The following PRR16 variants were observed in gnomAD, a reference collection of about 807,000 sequenced individuals.
PRR16 encodes protein Largen.
A neutral mutation model predicts 18.2 loss-of-function variants in PRR16; 6 were observed. The ratio of observed to expected loss-of-function variants is 0.33; its 90% CI spans 0.18 to 0.65. The LOEUF is 0.65. Among genes scored for constraint, PRR16 ranks in the 30% least tolerant of loss-of-function variants. PRR16 has a pLI of 0.74. For synonymous variants in PRR16, 151 were observed against 147.8 expected (o/e 1.02, Z -0.16); for missense variants, 412 against 376.6 (o/e 1.09, Z -0.78).
intron 1 of PRR16, among the ~76,000 whole-genome samples, chr5:120,613,397 A>T (rs979148290): frequency 1.3e-5 from 2 of 151,988 alleles, no homozygotes; most frequent in African/African-American, 4.8e-5. Flanking sequence ...CATTTTTTAA[A>T]ATCCTATTAT....
intron 1 of PRR16, among the ~76,000 whole-genome samples, chr5:120,583,347 G>A (rs1199771319): frequency 7.2e-6 from 1 of 138,568 alleles, no homozygotes; most frequent in Non-Finnish European, 1.6e-5. Flanking sequence ...GTGTGTGTGT[G>A]TGCAAGTAAT....
At chr5:120,731,873 C>T in the PRR16 span, among the ~76,000 whole-genome samples, 1 of 152,158 alleles carries the variant, frequency 6.6e-6, no homozygotes, top group Non-Finnish European at 1.5e-5. Context: ...GCTCTGTTTA[C>T]TAGCCAAAGA....
At chr5:120,783,576 G>T in the PRR16 span, among the ~76,000 whole-genome samples, 1 of 151,844 alleles carries the variant, frequency 6.6e-6, no homozygotes, top group African/African-American at 2.4e-5. Flanking sequence ...AATTTAAATT[G>T]TTTTAATTTT....
rs989844057 is a variant in PRR16 at position 120,491,478 on chromosome 5, C to G, written c.159+26833C>G. ...CCTTTCCTTTCCTTTCCTTTCCTTT[C>G]CTTTCTTCCTTCCTTCCTTCCTTCT... On this transcript the variant is annotated intron_variant, in intron 1 of 1. Transcript: ENST00000407149. Among the ~76,000 whole-genome samples, 121 of 96,926 alleles carry G rather than the reference C, an allele frequency of 1.2e-3. 1 individual carries two copies. The highest frequency in any genetic ancestry group is 6.5e-3 in the Middle Eastern group (1 of 154). The allele number at this position is 96,926 out of a possible 152,430, so 63.6% of individuals were successfully genotyped here. A position where few individuals can be genotyped will look rare whatever the true frequency, so the allele number is the denominator to read the frequency against.
intron 1 of PRR16, among the ~76,000 whole-genome samples, chr5:120,509,047 A>G (rs11960555): frequency 0.2 from 30,631 of 152,022 alleles, 3,350 homozygotes; most frequent in African/African-American, 0.27. Flanking sequence ...GCTTTCTGTA[A>G]AATAGGTTGT....
intron 1 of PRR16, among the ~76,000 whole-genome samples, chr5:120,503,629 T>C (rs981619127): frequency 6.6e-6 from 1 of 152,162 alleles, no homozygotes; most frequent in Non-Finnish European, 1.5e-5. Context: ...AATCCAGCTG[T>C]TGGAGGCAGT....
the PRR16 span, among the ~76,000 whole-genome samples, chr5:120,775,246 C>T: frequency 6.6e-6 from 1 of 152,122 alleles, no homozygotes; most frequent in East Asian, 1.9e-4. Context: ...TGCATAATAG[C>T]ATATACTATA....
the PRR16 span, among the ~76,000 whole-genome samples, chr5:120,773,830 T>A: frequency 6.6e-6 from 1 of 152,066 alleles, no homozygotes; most frequent in Non-Finnish European, 1.5e-5. Context: ...TAAATTATGA[T>A]AAAGGCAGAC....
At chr5:120,773,318 G>T in the PRR16 span, among the ~76,000 whole-genome samples, 1 of 152,140 alleles carries the variant, frequency 6.6e-6, no homozygotes, top group Non-Finnish European at 1.5e-5. Flanking sequence ...GCTCTGGTCT[G>T]CAAAGTCCAT....
chr5:120,561,068 A>T (rs1304859543), intron 1 of PRR16, among the ~76,000 whole-genome samples: 1 of 151,294 alleles, frequency 6.6e-6, no homozygotes, highest in Non-Finnish European at 1.5e-5. Context: ...CAAGAAACAA[A>T]TTTTTTGCTT....
chr5:120,718,494 G>A, the PRR16 span, among the ~76,000 whole-genome samples: 3 of 152,094 alleles, frequency 2.0e-5, no homozygotes, highest in Non-Finnish European at 4.4e-5. Flanking sequence ...CTCCAAAGGA[G>A]CAGTAGTCAA....
chr5:120,672,985 C>T (rs552907561), intron 1 of PRR16, among the ~76,000 whole-genome samples: 2 of 152,212 alleles, frequency 1.3e-5, no homozygotes, highest in African/African-American at 4.8e-5. Context: ...CCACACTTTA[C>T]AGGAAGCCTC....
chr5:120,644,909 G>C (rs1755538996), intron 1 of PRR16, among the ~76,000 whole-genome samples: 1 of 152,028 alleles, frequency 6.6e-6, no homozygotes, highest in Admixed American at 6.6e-5. Context: ...TTCTTACCTG[G>C]TCATTTACAA....
chr5:120,546,870 G>A (rs751960735), intron 1 of PRR16, among the ~76,000 whole-genome samples: 1 of 152,022 alleles, frequency 6.6e-6, no homozygotes, highest in Non-Finnish European at 1.5e-5. Context: ...GTTTCTCCTT[G>A]CCTAGCAGCA....
the PRR16 span, among the ~76,000 whole-genome samples, chr5:120,704,096 C>G: frequency 6.6e-6 from 1 of 152,140 alleles, no homozygotes; most frequent in Middle Eastern, 3.2e-3. Flanking sequence ...AAGAAAGAAG[C>G]TTTCTCTTAA....
At chr5:120,646,199 G>A (rs1330275243) in intron 1 of PRR16, among the ~76,000 whole-genome samples, 1 of 151,208 alleles carries the variant, frequency 6.6e-6, no homozygotes, top group African/African-American at 2.4e-5. Context: ...TGAAGAAAGT[G>A]TCAAAAAATT....
the PRR16 span, among the ~76,000 whole-genome samples, chr5:120,702,921 C>A: frequency 6.6e-6 from 1 of 152,130 alleles, no homozygotes; most frequent in Non-Finnish European, 1.5e-5. Context: ...GGATTGATCT[C>A]CCAAGGGAGG....
In PRR16 at chr5:120,624,984, G is replaced by A. The variant is rs368662887; in HGVS notation, c.160-60970G>A. ...ATGTGAGATGTGCCTTTCACCTGCC[G>A]CCATGATTGTGAGACCTCCCCAGCC... On this transcript the variant is annotated intron_variant, in intron 1 of 1. Coordinates refer to ENST00000407149, the MANE Select transcript of PRR16 (RefSeq NM_001300783.2). 1.3e-3 allele frequency among the ~76,000 whole-genome samples: 202 copies of A among 152,228 alleles called. 1 individual carries two copies. Among genetic ancestry groups the A allele is most frequent in the African/African-American group, 4.6e-3 (192 of 41,530 alleles).
the PRR16 span, among the ~76,000 whole-genome samples, chr5:120,765,597 CTTTTATCCAT>C: frequency 6.6e-6 from 1 of 151,942 alleles, no homozygotes; most frequent in Non-Finnish European, 1.5e-5. Flanking sequence ...TTCTAAACCT[CTTTTATCCAT>C]TTTTAAAAAC....
Sources: allele counts gnomAD v4.1 joint callset (sites outside exome capture counted in the v4.1 genomes callset), GRCh38; gene constraint gnomAD v4.1.1; transcripts MANE v1.5; gene names NCBI Gene and HGNC (gene_info 2026-07-23, HGNC 2026-07-21).